ZNF658: variants seen among roughly 807,000 people sequenced by gnomAD.
ZNF658 encodes the protein zinc finger protein 658.
A neutral mutation model predicts 78.0 loss-of-function variants in ZNF658; 46 were observed. The observed-to-expected ratio is 0.59, with a 90% CI of 0.47 to 0.75. ZNF658 has a LOEUF of 0.75. ZNF658 is among the 30% of genes least tolerant of loss of function. The pLI is 0.00. For missense variants in ZNF658, 785 were observed against 1,189.3 expected (o/e 0.66, Z 5.00); for synonymous variants, 279 against 408.4 (o/e 0.68, Z 3.82).
downstream of ZNF658, among the ~76,000 whole-genome samples, chr9:66,922,528 A>T (rs1822543617): frequency 9.0e-6 from 1 of 111,186 alleles, no homozygotes; most frequent in African/African-American, 3.4e-5. Context: ...ACTGAATGAT[A>T]ACAATGTGTT....
chr9:66,920,296 T>A lies in ZNF658; in HGVS notation c.2730T>A (p.Tyr910Ter). ...GAACTCGCTCAGGGGAGAAACCCTA[T>A]GAATGCAGTGAATGTGGGAAAACCT... ...HLRTRSGEKP[Y>*]ECSECGKTFS... Residue 910 changes from tyrosine (Y) to a stop codon, truncating the protein, a stop_gained, in exon 5 of 5, where the codon TAT becomes TAA. Coordinates refer to ENST00000621410, the MANE Select transcript of ZNF658 (RefSeq NM_033160.7). LOFTEE classifies it high-confidence loss of function. The A allele has an allele frequency of 6.2e-7, 1 of 1,613,944 alleles. No individual in the cohort carries two copies. Among genetic ancestry groups the A allele is most frequent in the Non-Finnish European group, 8.5e-7 (1 of 1,179,938 alleles).
In ZNF658 at chr9:66,918,311, A is replaced by C. The variant is rs1272450159; in HGVS notation, c.745A>C (p.Arg249=). The C allele has an allele frequency of 1.2e-6, 2 of 1,613,930 alleles. No homozygotes were observed. Among genetic ancestry groups the C allele is most frequent in the Admixed American group, 3.3e-5 (2 of 60,008 alleles). ...AAAGTCCTGTAAGGATGATGAATTT[A>C]GAAAAAACTTTGATAAAATCACTTT... ...GEKSCKDDEF[R]KNFDKITLFN... is the part of the protein sequence containing the mutation. The change falls in exon 5 of 5, where the codon AGA becomes CGA. Residue 249 remains arginine, a synonymous_variant. Transcript: ENST00000621410.
intron 1 of ZNF658, among the ~76,000 whole-genome samples, chr9:66,901,655 G>C (rs1445179275): frequency 6.6e-6 from 1 of 152,122 alleles, no homozygotes; most frequent in Non-Finnish European, 1.5e-5. Context: ...ATATAAATCA[G>C]AATTTTTGGC....
At chr9:66,901,447 C>G (rs1821950536) in intron 1 of ZNF658, among the ~76,000 whole-genome samples, 1 of 151,520 alleles carries the variant, frequency 6.6e-6, no homozygotes, top group South Asian at 2.1e-4. Flanking sequence ...AGTGGCCTGT[C>G]ACCAGATCTG....
Position 66,918,367 on chromosome 9 carries a change from G to A in ZNF658, c.801G>A (p.Gly267=). The A allele has an allele frequency of 3.1e-6, 5 of 1,613,864 alleles. No individual in the cohort carries two copies. The highest frequency in any genetic ancestry group is 4.2e-6 in the Non-Finnish European group (5 of 1,179,842). ...ACCACATGAGAACTGACACAAGGGGGAAATGCTCTGATCTTAATGAATATG... is the reference window on the plus strand; with the variant it reads ...ACCACATGAGAACTGACACAAGGGGAAAATGCTCTGATCTTAATGAATATG... ...LFNHMRTDTR[G]KCSDLNEYGT... Residue 267 remains glycine (G), a synonymous_variant, in exon 5 of 5, where the codon GGG becomes GGA. Transcript: ENST00000621410.
rs1327703805 is a variant in ZNF658 at position 66,918,500 on chromosome 9, C to G, written c.934C>G (p.Leu312Val). The G allele has an allele frequency of 1.1e-5, 17 of 1,606,088 alleles. No individual in the cohort carries two copies. Among genetic ancestry groups the G allele is most frequent in the Non-Finnish European group, 1.4e-5 (16 of 1,173,560 alleles). Residue 312 changes from leucine to valine, a missense_variant, in exon 5 of 5, where the codon CTC becomes GTC. Leu to Val is a conservative substitution (Grantham distance 32). This residue lies in a region of ZNF658 where 393 missense variants were observed against 400.2 expected (regional missense o/e 0.98). Transcript: ENST00000621410. ...GATTAATTTCAGTAGGAAGTCACCC[C>G]TCACTCAATCTCAGAGAACTATTAC... The part of the protein sequence containing the change: ...RGINFSRKSP[L>V]TQSQRTITGW...
intron 6 of ZNF658, among the ~76,000 whole-genome samples, chr9:66,930,065 G>A (rs376543130): frequency 4.4e-3 from 354 of 80,672 alleles, no homozygotes; most frequent in African/African-American, 0.016. Context: ...GATTACAGGC[G>A]TGAACCACCA....
intron 2 of ZNF658, among the ~76,000 whole-genome samples, chr9:66,906,483 CAGTT>C (rs1483030694): frequency 2.0e-5 from 3 of 147,762 alleles, no homozygotes; most frequent in Admixed American, 6.8e-5. Context: ...TCCACCGCCT[CAGTT>C]AGCTGCTGAG....
intron 4 of ZNF658, among the ~76,000 whole-genome samples, chr9:66,913,277 T>C (rs1440158980): frequency 1.3e-5 from 2 of 151,548 alleles, no homozygotes; most frequent in African/African-American, 2.4e-5. Flanking sequence ...GTACAAAAAT[T>C]AGCCAGGCGT....
At chr9:66,916,327 T>C (rs1055886411) in intron 4 of ZNF658, among the ~76,000 whole-genome samples, 2 of 152,204 alleles carry the variant, frequency 1.3e-5, no homozygotes, top group Non-Finnish European at 2.9e-5. Context: ...TAATTAGGAA[T>C]GTGTAACTTA....
chr9:66,921,009 A>T lies in ZNF658; in HGVS notation c.*263A>T. ...AGATGGATTTGGAGGTTATTTCTGC[A>T]GCAAACTTGGGTCCTGTGTGTTCAA... On this transcript the variant is annotated 3_prime_UTR_variant, in exon 5 of 5. Transcript: ENST00000621410. 1 of 526,228 alleles carries T rather than the reference A, an allele frequency of 1.9e-6. No individual in the cohort carries two copies. The highest frequency in any genetic ancestry group is 3.2e-5 in the East Asian group (1 of 31,078). 32.6% of individuals were successfully genotyped at this position (526,228 alleles called of 1,614,324 possible). A position where few individuals can be genotyped will look rare whatever the true frequency, so the allele number is the denominator to read the frequency against.
chr9:66,910,952 C>A (rs1005097677), intron 4 of ZNF658, among the ~76,000 whole-genome samples: 1 of 151,530 alleles, frequency 6.6e-6, no homozygotes, highest in Admixed American at 6.6e-5. Context: ...GAAATGAAAA[C>A]CTTTAAGGAT....
At chr9:66,907,198 C>A (rs1346290865) in intron 2 of ZNF658, among the ~76,000 whole-genome samples, 1 of 152,072 alleles carries the variant, frequency 6.6e-6, no homozygotes, top group African/African-American at 2.4e-5. Context: ...TTACTCACCA[C>A]CTAAATTGCT....
chr9:66,918,263 C>T lies in ZNF658; in HGVS notation c.697C>T (p.Pro233Ser). The T allele has an allele frequency of 6.2e-7, 1 of 1,612,910 alleles. No individual in the cohort carries two copies. Among genetic ancestry groups the T allele is most frequent in the East Asian group, 2.2e-5 (1 of 44,850 alleles). Residue 233 changes from proline (P) to serine (S), a missense_variant, in exon 5 of 5, where the codon CCT (proline) becomes TCT (serine). By Grantham distance (74) the Pro-to-Ser change is moderately conservative (BLOSUM62 -1). Transcript: ENST00000621410. ...ATATGATAAGACAATTTGTATTACA[C>T]CTCAGAGTTTTCTAACAGGAGAAAA... is the stretch of plus-strand genomic sequence containing the variant. ...GLYDKTICIT[P>S]QSFLTGEKSC... is the part of the protein sequence containing the mutation.
At chr9:66,903,291 C>G (rs1030855465) in intron 1 of ZNF658, 3 of 458,940 alleles carry the variant, frequency 6.5e-6, no homozygotes, top group African/African-American at 5.9e-5. Flanking sequence ...TGTCCCTTTT[C>G]AAGAGTCAAA....
rs1429052366 is a variant in ZNF658, at chr9:66,919,765, G to T, written c.2199G>T (p.Gln733His). The change falls in exon 5 of 5, where the codon CAG (glutamine) becomes CAT (histidine). Residue 733 changes from glutamine to histidine, a missense_variant. By Grantham distance (24) the Gln-to-His change is conservative (BLOSUM62 0). This residue lies in a region of ZNF658 where 75 missense variants were observed against 147.1 expected (regional missense o/e 0.51). Transcript: ENST00000621410. The stretch of plus-strand genomic sequence containing the variant: ...ATAATTCAGCCCTTAGAGCACATCA[G>T]AATATCCACACAGGGGAGAAACTCT... Reference protein sequence around the residue: ...FAHNSALRAHQNIHTGEKLYE... With the variant: ...FAHNSALRAHHNIHTGEKLYE... The T allele has an allele frequency of 1.2e-6, 2 of 1,611,152 alleles. No individual in the cohort carries two copies. Among genetic ancestry groups the T allele is most frequent in the South Asian group, 2.2e-5 (2 of 90,936 alleles).
chr9:66,923,150 T>C (rs1428186210), downstream of ZNF658, among the ~76,000 whole-genome samples: 29 of 144,612 alleles, frequency 2.0e-4, no homozygotes, highest in African/African-American at 7.2e-4. Flanking sequence ...AGTCTGTGGC[T>C]GAAGGCCCAA....
chr9:66,908,205 T>C lies in ZNF658; in HGVS notation c.16-33T>C, dbSNP rs1286646167. ...CAATTCTGAACCCTTGAACAAACCA[T>C]TGTTATATTTGTTGTGATAAATGTT... On this transcript the variant is annotated intron_variant, in intron 2 of 4. Coordinates refer to ENST00000621410, the MANE Select transcript of ZNF658 (RefSeq NM_033160.7). The C allele has an allele frequency of 1.4e-5, 22 of 1,613,236 alleles. No individual in the cohort carries two copies. In the South Asian group the frequency reaches 2.1e-4, roughly 15 times the overall value.
chr9:66,927,437 G>T (rs1299259111), intron 6 of ZNF658, among the ~76,000 whole-genome samples: 1 of 152,076 alleles, frequency 6.6e-6, no homozygotes, highest in Non-Finnish European at 1.5e-5. Flanking sequence ...TGGGAAAAAA[G>T]AATGAACGTT....
Sources: gnomAD v4.1 joint callset for allele counts (sites outside exome capture counted in the v4.1 genomes callset) on GRCh38, gnomAD v4.1.1 for gene constraint, gnomAD v4.1.1 regional missense constraint, MANE v1.5 for transcripts, NCBI Gene and HGNC (gene_info 2026-07-23, HGNC 2026-07-21) for gene names.